SLC12A6: variants seen among roughly 807,000 people sequenced by gnomAD.
SLC12A6 encodes the protein K-Cl cotransporter 3.
In SLC12A6, 66 loss-of-function variants were observed where a neutral mutation model predicts 135.3. The ratio of observed to expected loss-of-function variants is 0.49; its 90% CI spans 0.40 to 0.60. The LOEUF is 0.60. Among genes scored for constraint, SLC12A6 ranks in the 20% least tolerant of loss-of-function variants. SLC12A6 has a pLI of 0.00. For missense variants in SLC12A6, 1,058 were observed against 1,452.3 expected (o/e 0.73, Z 4.41); for synonymous variants, 513 against 508.8 (o/e 1.01, Z -0.11).
At chr15:34,317,086 T>C (rs1310387197) in intron 2 of SLC12A6, among the ~76,000 whole-genome samples, 3 of 152,096 alleles carry the variant, frequency 2.0e-5, no homozygotes, top group African/African-American at 7.2e-5. Context: ...TGAGCTGAAG[T>C]TGAGTTGTAG....
chr15:34,335,400 A>G (rs979490758), intron 2 of SLC12A6, among the ~76,000 whole-genome samples: 20 of 152,204 alleles, frequency 1.3e-4, no homozygotes, highest in Admixed American at 1.0e-3. Context: ...GACACCGGAA[A>G]ATGGTGAGTA....
intron 2 of SLC12A6, among the ~76,000 whole-genome samples, chr15:34,287,427 T>G (rs1443010822): frequency 2.0e-5 from 3 of 152,186 alleles, no homozygotes; most frequent in African/African-American, 7.2e-5. Flanking sequence ...TTGTGAATAG[T>G]GCCGCAATAA....
At chr15:34,251,301 G>A (rs1892376771) in intron 10 of SLC12A6, among the ~76,000 whole-genome samples, 1 of 151,928 alleles carries the variant, frequency 6.6e-6, no homozygotes, top group African/African-American at 2.4e-5. Flanking sequence ...AGGCTGGAGT[G>A]CAGTGGCACA....
intron 3 of SLC12A6, among the ~76,000 whole-genome samples, chr15:34,274,682 G>A (rs1355061313): frequency 1.3e-5 from 2 of 152,132 alleles, no homozygotes; most frequent in Admixed American, 6.5e-5. Flanking sequence ...GTGTGGTGGC[G>A]GGCGCCTGTA....
At chr15:34,263,114 C>T (rs1011740415) in intron 3 of SLC12A6, among the ~76,000 whole-genome samples, 1 of 151,940 alleles carries the variant, frequency 6.6e-6, no homozygotes, top group Non-Finnish European at 1.5e-5. Context: ...CCTCTAAATC[C>T]AAAATAAAAG....
At chr15:34,328,042 C>A (rs1889591498) in intron 2 of SLC12A6, among the ~76,000 whole-genome samples, 1 of 151,806 alleles carries the variant, frequency 6.6e-6, no homozygotes, top group Non-Finnish European at 1.5e-5. Context: ...AAAAAGCTGC[C>A]ATTGGTTAAA....
In SLC12A6 at chr15:34,248,562, C is replaced by A. The variant is rs575796366; in HGVS notation, c.1649+1736G>T. ...ATACTATATACATACATATATACAC[C>A]CCCACCCACACACACACACACACAC... On this transcript the variant is annotated intron_variant, in intron 13 of 25. Coordinates refer to ENST00000354181, the MANE Select transcript of SLC12A6 (RefSeq NM_001365088.1). 5.5e-3 allele frequency among the ~76,000 whole-genome samples: 484 copies of A among 88,688 alleles called. 15 individuals are homozygous for A. Among genetic ancestry groups the A allele is most frequent in the Admixed American group, 0.05 (423 of 8,432 alleles). 58.2% of individuals were successfully genotyped at this position (88,688 alleles called of 152,430 possible). A position where few individuals can be genotyped will look rare whatever the true frequency, so the allele number is the denominator to read the frequency against.
chr15:34,240,754 T>G lies in SLC12A6; in HGVS notation c.2343A>C (p.Ser781=). 1 of 1,613,854 alleles carries G rather than the reference T, an allele frequency of 6.2e-7. No homozygotes were observed. Among genetic ancestry groups the G allele is most frequent in the Non-Finnish European group, 8.5e-7 (1 of 1,179,710 alleles). ...VKHPRLLTFA[S]QLKAGKGLTI... ...TGAGACCTTTTCCTGCTTTGAGCTGTGAGGCAAAGGTGAGGAGGCGAGGAT... is the reference window on the plus strand; with the variant it reads ...TGAGACCTTTTCCTGCTTTGAGCTGGGAGGCAAAGGTGAGGAGGCGAGGAT... Residue 781 remains serine, a synonymous_variant, in exon 19 of 26, where the codon TCA becomes TCC. Coordinates refer to ENST00000354181, the MANE Select transcript of SLC12A6 (RefSeq NM_001365088.1).
At chr15:34,307,786 A>G (rs1887836843) in intron 2 of SLC12A6, among the ~76,000 whole-genome samples, 1 of 152,216 alleles carries the variant, frequency 6.6e-6, no homozygotes, top group Non-Finnish European at 1.5e-5. Flanking sequence ...GAAGAAAAAA[A>G]TATGAACGAA....
intron 25 of SLC12A6, 61 bp downstream of exon 25, chr15:34,235,120 T>TA: frequency 6.9e-7 from 1 of 1,449,740 alleles, no homozygotes; most frequent in Non-Finnish European, 9.7e-7. Context: ...GTTACCTAGT[T>TA]ATCTCAGAAA....
At chr15:34,314,094 C>A (rs1888460791) in intron 2 of SLC12A6, among the ~76,000 whole-genome samples, 1 of 145,972 alleles carries the variant, frequency 6.9e-6, no homozygotes, top group South Asian at 2.1e-4. Context: ...GTTGCTTAGG[C>A]TGGAGTGCAG....
rs149640638 is a variant in SLC12A6, at chr15:34,235,293, C to T, written c.3249G>A (p.Arg1083=). 140 of 1,613,272 alleles carry T rather than the reference C, an allele frequency of 8.7e-5. No individual in the cohort carries two copies. In the African/African-American group the frequency reaches 1.8e-3, roughly 20 times the overall value. ...CGTTGAGTTTCACTGCTGTATGCATCCGCCTCACATTGGACTGGTCCCTGA... is the reference window on the plus strand; with the variant it reads ...CGTTGAGTTTCACTGCTGTATGCATTCGCCTCACATTGGACTGGTCCCTGA... ...NMRPDQSNVR[R]MHTAVKLNEV... is the part of the protein sequence containing the mutation. Residue 1083 remains arginine (R), a synonymous_variant, in exon 25 of 26, where the codon CGG becomes CGA. Transcript: ENST00000354181.
chr15:34,320,122 C>T (rs954696458), intron 2 of SLC12A6, among the ~76,000 whole-genome samples: 2 of 152,136 alleles, frequency 1.3e-5, no homozygotes, highest in Non-Finnish European at 2.9e-5. Flanking sequence ...GGAATGCCTT[C>T]CATCTGACAA....
intron 3 of SLC12A6, among the ~76,000 whole-genome samples, chr15:34,269,689 A>G (rs1370499104): frequency 6.6e-6 from 1 of 151,440 alleles, no homozygotes; most frequent in African/African-American, 2.4e-5. Context: ...GGTTTTGATC[A>G]TGGCATCCAT....
chr15:34,283,498 T>TG (rs1291372971), intron 2 of SLC12A6, among the ~76,000 whole-genome samples: 2 of 152,070 alleles, frequency 1.3e-5, no homozygotes, highest in Non-Finnish European at 2.9e-5. Flanking sequence ...AGGTGAGACT[T>TG]GCATGAAAAG....
rs1424621632 is a variant in SLC12A6 at position 34,250,146 on chromosome 15, C to T, written c.1649+152G>A. Reference sequence around the variant, plus strand: ...TCTTGAACTCCTGAGCTCATGCAATCCACCTGCCTTGGCCTCCCAAAGTGC... The same window carrying T: ...TCTTGAACTCCTGAGCTCATGCAATTCACCTGCCTTGGCCTCCCAAAGTGC... On this transcript the variant is annotated intron_variant, in intron 13 of 25. Transcript: ENST00000354181. The T allele has an allele frequency of 4.2e-6, 3 of 709,548 alleles. No homozygotes were observed. In the African/African-American group the frequency reaches 5.2e-5, roughly 12 times the overall value. The allele number at this position is 709,548 out of a possible 1,614,324, so 44.0% of individuals were successfully genotyped here. A position where few individuals can be genotyped will look rare whatever the true frequency, so the allele number is the denominator to read the frequency against.
chr15:34,287,985 A>T (rs1348829764), intron 2 of SLC12A6, among the ~76,000 whole-genome samples: 1 of 152,192 alleles, frequency 6.6e-6, no homozygotes, highest in Non-Finnish European at 1.5e-5. Flanking sequence ...TAGTTTAATT[A>T]GATCCCATTT....
chr15:34,301,004 T>C (rs573029796), intron 2 of SLC12A6, among the ~76,000 whole-genome samples: 1 of 152,196 alleles, frequency 6.6e-6, no homozygotes, highest in South Asian at 2.1e-4. Flanking sequence ...GTTTCACTCT[T>C]GTTGTCCAGG....
Position 34,258,816 on chromosome 15 carries a change from G to T in SLC12A6, c.540C>A (p.Thr180=), listed in dbSNP as rs771922240. 87 of 1,612,590 alleles carry T rather than the reference G, an allele frequency of 5.4e-5. No homozygotes were observed. Among genetic ancestry groups the T allele is most frequent in the Non-Finnish European group, 7.1e-5 (84 of 1,178,786 alleles). The change falls in exon 5 of 26, where the codon ACC becomes ACA. Residue 180 remains threonine, a synonymous_variant. Coordinates refer to ENST00000354181, the MANE Select transcript of SLC12A6 (RefSeq NM_001365088.1). The part of the protein sequence containing the change: ...ENITEGKKKP[T]KTPQMGTFMG... ...CCTTGTTATTCTGAGGCCTCACCTT[G>T]GTGGGCTTCTTTTTCCCTTCAGTGA...
Sources: allele counts gnomAD v4.1 joint callset (sites outside exome capture counted in the v4.1 genomes callset), GRCh38; gene constraint gnomAD v4.1.1; transcripts MANE v1.5; gene names NCBI Gene and HGNC (gene_info 2026-07-23, HGNC 2026-07-21).